SCNN1D: variants seen among roughly 807,000 people sequenced by gnomAD.
SCNN1D encodes epithelial sodium channel subunit delta.
In SCNN1D, 104 loss-of-function variants were observed where a neutral mutation model predicts 87.8. The ratio of observed to expected loss-of-function variants is 1.18; its 90% confidence interval spans 1.01 to 1.39. The LOEUF is 1.39. Among genes scored for constraint, SCNN1D ranks in the 40% most tolerant of loss-of-function variants. The pLI is 0.00. For synonymous variants in SCNN1D, 628 were observed against 481.2 expected, an observed-to-expected ratio of 1.31 and a Z score of -3.99; for missense variants, 1,324 against 1,093.9, an observed-to-expected ratio of 1.21 and a Z score of -2.97.
intron 14 of SCNN1D, 30 bp downstream of exon 14, chr1:1,290,585 G>A (rs763057651): frequency 1.9e-6 from 3 of 1,612,600 alleles, no homozygotes; most frequent in East Asian, 4.5e-5. Context: ...GTCGCGGCCA[G>A]GGATCATTGC....
At chr1:1,287,916 G>C in intron 11 of SCNN1D, 23 bp from the exon 12 acceptor site, 1 of 1,529,950 alleles carries the variant, frequency 6.5e-7, no homozygotes, top group South Asian at 1.2e-5. Flanking sequence ...CAGGGCCCAT[G>C]GAACTGAAGC....
Position 1,291,467 on chromosome 1 carries a change from C to G in SCNN1D, c.2266C>G (p.Pro756Ala). ...SSIKPEASQM[P>A]PPAGGTSDDP... Reference sequence around the variant, plus strand: ...CATCAAGCCAGAGGCCAGTCAGATGCCCCCGCCTGCAGGCGGCACGTCAGA... The same window carrying G: ...CATCAAGCCAGAGGCCAGTCAGATGGCCCCGCCTGCAGGCGGCACGTCAGA... The change falls in exon 18 of 18, where the codon CCC becomes GCC. Residue 756 changes from proline (P) to alanine (A), a missense_variant. Pro to Ala is a conservative substitution (Grantham distance 27). Coordinates refer to ENST00000379116, the MANE Select transcript of SCNN1D (RefSeq NM_001130413.4). 1 of 1,607,944 alleles carries G rather than the reference C, an allele frequency of 6.2e-7. No individual in the cohort carries two copies. Among genetic ancestry groups the G allele is most frequent in the Non-Finnish European group, 8.5e-7 (1 of 1,177,066 alleles).
chr1:1,285,738 C>A, intron 6 of SCNN1D, 74 bp downstream of exon 6: 1 of 1,295,906 alleles, frequency 7.7e-7, no homozygotes, highest in Non-Finnish European at 1.1e-6. Flanking sequence ...TCCAAGGCTA[C>A]ACTGAGACGT....
In SCNN1D at chr1:1,288,276, CCCGA is replaced by C. The variant is rs1362418148; in HGVS notation, c.1662+240_1662+243del. 8.5e-4 allele frequency among the ~76,000 whole-genome samples: 52 copies of C among 61,466 alleles called. 2 individuals are homozygous for C. Among genetic ancestry groups the C allele is most frequent in the African/African-American group, 8.3e-3 (32 of 3,856 alleles). 40.3% of individuals were successfully genotyped at this position (61,466 alleles called of 152,430 possible). On this transcript the variant is annotated intron_variant, in intron 12 of 17. Transcript: ENST00000379116. Reference sequence around the variant, plus strand: ...TCCGTCCCGTGTCTCTGCTCCGTCCCCCGAGTCTCTGCTCCGTCCCGTGTCTGCT... The same window carrying C: ...TCCGTCCCGTGTCTCTGCTCCGTCCCGTCTCTGCTCCGTCCCGTGTCTGCT...
rs1640660803 is a variant in SCNN1D at position 1,288,240 on chromosome 1, CGTGTCTCTGCTCCGTCCCGTGTCTCT to C, written c.1662+205_1662+230del. Among the ~76,000 whole-genome samples the C allele has an allele frequency of 1.6e-5, 2 of 126,898 alleles. 1 individual carries two copies. The highest frequency in any genetic ancestry group is 5.9e-4 in the East Asian group (2 of 3,376). The allele number at this position is 126,898 out of a possible 152,430, so 83.3% of individuals were successfully genotyped here. A position where few individuals can be genotyped will look rare whatever the true frequency, so the allele number is the denominator to read the frequency against. Reference sequence around the variant, plus strand: ...TCCGTCCCGTGTCTCTGCTCCGTCCCGTGTCTCTGCTCCGTCCCGTGTCTCTGCTCCGTCCCCCGAGTCTCTGCTCC... The same window carrying C: ...TCCGTCCCGTGTCTCTGCTCCGTCCCGCTCCGTCCCCCGAGTCTCTGCTCC... On this transcript the variant is annotated intron_variant, in intron 12 of 17. Coordinates refer to ENST00000379116, the MANE Select transcript of SCNN1D (RefSeq NM_001130413.4).
At chr1:1,290,169 T>G in intron 12 of SCNN1D, 102 bp from the exon 13 acceptor site, 1 of 562,318 alleles carries the variant, frequency 1.8e-6, no homozygotes. Context: ...CTCCGTCCCG[T>G]GTCCCTGCTC....
intron 1 of SCNN1D, 151 bp downstream of exon 1, chr1:1,280,817 C>T: frequency 1.6e-6 from 1 of 621,296 alleles, no homozygotes; most frequent in Non-Finnish European, 3.0e-6. Flanking sequence ...AGCCCACACG[C>T]ACCTTACTCC....
chr1:1,287,737 C>CA lies in SCNN1D; in HGVS notation c.1465dup (p.Ile489AsnfsTer9), dbSNP rs1640632770. 6.2e-7 allele frequency: 1 copy of CA among 1,608,268 alleles called. No homozygotes were observed. The highest frequency in any genetic ancestry group is 1.1e-5 in the South Asian group (1 of 90,378). On this transcript the variant is annotated frameshift_variant, in exon 11 of 18. Transcript: ENST00000379116. LOFTEE classifies it high-confidence loss of function. The stretch of plus-strand genomic sequence containing the variant: ...TCCCTCTGCTGTCCACGCTGGCCGG[C>CA]ATCAGGGTCATGGTTCACGGCCGTA...
At chr1:1,290,204 G>GTGTCTCTGCCCCGTCCCCCA in intron 12 of SCNN1D, 67 bp from the exon 13 acceptor site, 3 of 1,132,716 alleles carry the variant, frequency 2.6e-6, no homozygotes, top group Non-Finnish European at 3.7e-6. Context: ...GCTCCGTCCC[G>GTGTCTCTGCCCCGTCCCCCA]TGTCTCTGCC....
intron 1 of SCNN1D, chr1:1,280,904 G>A (rs1325713195): frequency 5.2e-6 from 3 of 582,472 alleles, no homozygotes; most frequent in Non-Finnish European, 9.2e-6. Flanking sequence ...GCAGCCGGGG[G>A]CACCTTGGTG....
In SCNN1D at chr1:1,285,951, C is replaced by T. The variant is rs757615020; in HGVS notation, c.584C>T (p.Pro195Leu). 3.7e-5 allele frequency: 57 copies of T among 1,555,760 alleles called. No homozygotes were observed. The highest frequency in any genetic ancestry group is 1.2e-4 in the East Asian group (5 of 41,914). ...GQAAAQTPPR[P>L]GPPSAPPPPP... is the part of the protein sequence containing the mutation. ...GCTGCAGCCCAGACGCCCCCCAGGC[C>T]GGGGCCACCATCAGCACCACCACCA... Residue 195 changes from proline to leucine, a missense_variant, in exon 7 of 18, where the codon CCG becomes CTG. By Grantham distance (98) the Pro-to-Leu change is moderately conservative (BLOSUM62 -3). Coordinates refer to ENST00000379116, the MANE Select transcript of SCNN1D (RefSeq NM_001130413.4).
chr1:1,285,830 G>T, intron 6 of SCNN1D, 96 bp from the exon 7 acceptor site: 1 of 1,327,108 alleles, frequency 7.5e-7, no homozygotes, highest in Non-Finnish European at 1.0e-6. Context: ...CGAGCAGGTA[G>T]GGCGGGGCAC....
chr1:1,286,741 C>G (rs1476970996), intron 7 of SCNN1D, 27 bp from the exon 8 acceptor site: 1 of 1,606,062 alleles, frequency 6.2e-7, no homozygotes, highest in Non-Finnish European at 8.5e-7. Context: ...GGGCCGGCAA[C>G]TCTGACTCCA....
chr1:1,291,347 G>C lies in SCNN1D; in HGVS notation c.2146G>C (p.Asp716His), dbSNP rs369812333. Residue 716 changes from aspartate to histidine, a missense_variant, in exon 18 of 18, where the codon GAT becomes CAT. Transcript: ENST00000379116. ...CCTGGAGCTCCTGGAGCTGCTGCTC[G>C]ATGCTTCTGCCCTCACCCTGGTGCT... is the stretch of plus-strand genomic sequence containing the variant. The part of the protein sequence containing the change: ...SLLELLELLL[D>H]ASALTLVLGG... 4.4e-6 allele frequency: 7 copies of C among 1,606,216 alleles called. No homozygotes were observed. The highest frequency in any genetic ancestry group is 2.2e-5 in the South Asian group (2 of 90,226).
At position 1,290,898 on chromosome 1, in the gene SCNN1D, T is replaced by C. The variant is rs1354575059; in HGVS notation, c.1921T>C (p.Trp641Arg). 1.2e-6 allele frequency: 2 copies of C among 1,610,158 alleles called. No individual in the cohort carries two copies. The highest frequency in any genetic ancestry group is 1.7e-6 in the Non-Finnish European group (2 of 1,179,022). The change falls in exon 16 of 18, where the codon TGG (tryptophan) becomes CGG (arginine). Residue 641 changes from tryptophan (W) to arginine (R), a missense_variant. Transcript: ENST00000379116. ...ACAGCAAACCTTCCGTCTGCAGGGA[T>C]GGACTCTGGCCACGCTAGGTGAACA... ...SRWPSAKSAG[W>R]TLATLGEQGL...
At chr1:1,284,637 T>C (rs1436354927) in intron 5 of SCNN1D, among the ~76,000 whole-genome samples, 1 of 150,798 alleles carries the variant, frequency 6.6e-6, no homozygotes, top group Non-Finnish European at 1.5e-5. Context: ...CCACTGGGGG[T>C]GCACAGTGTG....
chr1:1,284,533 G>C (rs547141913), intron 5 of SCNN1D, among the ~76,000 whole-genome samples: 1 of 148,882 alleles, frequency 6.7e-6, no homozygotes, highest in Non-Finnish European at 1.5e-5. Flanking sequence ...GGTGCCGAGC[G>C]TGTGCTGGAC....
rs1336130836 is a variant in SCNN1D, at chr1:1,291,402, TCTC to T, written c.2204_2206del (p.Ser735del). 1.9e-6 allele frequency: 3 copies of T among 1,608,298 alleles called. No individual in the cohort carries two copies. Among genetic ancestry groups the T allele is most frequent in the Admixed American group, 3.4e-5 (2 of 59,464 alleles). ...GGCCGCCGGCTCCGCAGGGCGTGGT[TCTC>T]CTGGCCCAGAGCCAGCCCTGCCTCA... On this transcript the variant is annotated inframe_deletion, in exon 18 of 18. Coordinates refer to ENST00000379116, the MANE Select transcript of SCNN1D (RefSeq NM_001130413.4).
At chr1:1,281,319 G>C (rs1365499831) in intron 2 of SCNN1D, 22 bp downstream of exon 2, 1 of 1,535,542 alleles carries the variant, frequency 6.5e-7, no homozygotes, top group African/African-American at 1.4e-5. Context: ...GCCATGCTCG[G>C]TCAATGGGGC....
Sources: allele counts gnomAD v4.1 joint callset (sites outside exome capture counted in the v4.1 genomes callset), GRCh38; gene constraint gnomAD v4.1.1; transcripts MANE v1.5; gene names NCBI Gene and HGNC (gene_info 2026-07-23, HGNC 2026-07-21).